CDH4: variants seen among roughly 807,000 people sequenced by gnomAD.
The protein encoded by CDH4 is cadherin-4.
Under a neutral mutation model 86.0 loss-of-function variants are expected in CDH4, and 33 were observed. That is an observed-to-expected ratio of 0.38 (90% CI 0.29 to 0.51). The LOEUF (loss-of-function observed/expected upper bound fraction) is 0.51, where lower values mean the gene tolerates loss of function less well. CDH4 is among the 20% of genes least tolerant of loss of function. The pLI is 0.86. For missense variants in CDH4, 1,114 were observed against 1,307.4 expected (o/e 0.85, Z 2.28); for synonymous variants, 555 against 549.4 (o/e 1.01, Z -0.14).
chr20:61,492,023 CGAT>C (rs1009055551), intron 2 of CDH4, among the ~76,000 whole-genome samples: 3 of 122,306 alleles, frequency 2.5e-5, no homozygotes, highest in African/African-American at 6.4e-5. Context: ...TCAATATTGT[CGAT>C]GGTGGTGTTG....
intron 2 of CDH4, among the ~76,000 whole-genome samples, chr20:61,276,018 TG>T: frequency 6.6e-6 from 1 of 152,184 alleles, no homozygotes. Context: ...TCAGTATCAC[TG>T]ACAGCGGGTT....
intron 2 of CDH4, among the ~76,000 whole-genome samples, chr20:61,353,075 A>C (rs991864881): frequency 3.9e-5 from 6 of 152,136 alleles, no homozygotes; most frequent in Non-Finnish European, 5.9e-5. Flanking sequence ...GACCCGCCAC[A>C]GGGGCTCTCG....
intron 2 of CDH4, among the ~76,000 whole-genome samples, chr20:61,519,907 G>A (rs76740103): frequency 0.02 from 3,094 of 152,224 alleles, 100 homozygotes; most frequent in African/African-American, 0.07. Context: ...TGACTGCCTC[G>A]CATTAGTGGT....
intron 2 of CDH4, among the ~76,000 whole-genome samples, chr20:61,631,560 G>A (rs557348933): frequency 9.9e-5 from 15 of 152,268 alleles, no homozygotes; most frequent in East Asian, 9.7e-4. Flanking sequence ...CAGGAGAATC[G>A]CTTAACCTCG....
rs140387865 is a variant in CDH4 at position 61,294,182 on chromosome 20, C to T, written c.169+39245C>T. ...CCACCCCCGCACTCCCTGATCCTGCCGGCATCATGGGCTGACCTGGAGGCT... is the reference window on the plus strand; with the variant it reads ...CCACCCCCGCACTCCCTGATCCTGCTGGCATCATGGGCTGACCTGGAGGCT... On this transcript the variant is annotated intron_variant, in intron 2 of 15. Transcript: ENST00000614565. Among the ~76,000 whole-genome samples the T allele has an allele frequency of 2.5e-3, 377 of 152,150 alleles. 3 individuals carry two copies. Among genetic ancestry groups the T allele is most frequent in the Middle Eastern group, 0.014 (4 of 292 alleles).
chr20:61,765,211 C>T (rs927389677), intron 3 of CDH4, among the ~76,000 whole-genome samples: 2 of 152,072 alleles, frequency 1.3e-5, no homozygotes, highest in Non-Finnish European at 1.5e-5. Context: ...CACTCCTGGC[C>T]GCTCAGGGCT....
rs1338644486 is a variant in CDH4 at position 61,754,734 on chromosome 20, GCA to G, written c.396+10951_396+10952del. Reference sequence around the variant, plus strand: ...ACACCGCACACACACTGCACGCCCCGCACACACTATGCACACCACACACACAG... The same window carrying G: ...ACACCGCACACACACTGCACGCCCCGCACACTATGCACACCACACACACAG... On this transcript the variant is annotated intron_variant, in intron 3 of 15. Coordinates refer to ENST00000614565, the MANE Select transcript of CDH4 (RefSeq NM_001794.5). The surrounding 1 kb of genome is among the most constrained non-coding windows in gnomAD (Gnocchi z 4.7). 1.6e-5 allele frequency among the ~76,000 whole-genome samples: 2 copies of G among 121,766 alleles called. No homozygotes were observed. The highest frequency in any genetic ancestry group is 6.4e-5 in the African/African-American group (2 of 31,074). 79.9% of individuals were successfully genotyped at this position (121,766 alleles called of 152,430 possible).
chr20:61,574,376 A>G (rs1240320676), intron 2 of CDH4, among the ~76,000 whole-genome samples: 1 of 152,226 alleles, frequency 6.6e-6, no homozygotes, highest in African/African-American at 2.4e-5. Context: ...GGACGTAGGC[A>G]TCTCACTGCA....
chr20:61,499,363 C>T (rs2085684244), intron 2 of CDH4: 4 of 956,508 alleles, frequency 4.2e-6, no homozygotes, highest in African/African-American at 1.7e-5. Flanking sequence ...GATAGCAGTG[C>T]CTCTTGCTCT....
rs77516797 is a variant in CDH4 at position 61,424,927 on chromosome 20, C to T, written c.169+169990C>T. On this transcript the variant is annotated intron_variant, in intron 2 of 15. Coordinates refer to ENST00000614565, the MANE Select transcript of CDH4 (RefSeq NM_001794.5). Reference sequence around the variant, plus strand: ...AGGCATAAGCCTGTGCCGCGTGGTCCATCCGGAGCCAAATTTAAAAAACTG... The same window carrying T: ...AGGCATAAGCCTGTGCCGCGTGGTCTATCCGGAGCCAAATTTAAAAAACTG... Among the ~76,000 whole-genome samples, 9 of 152,362 alleles carry T rather than the reference C, an allele frequency of 5.9e-5. No homozygotes were observed. In the East Asian group the frequency reaches 1.7e-3, roughly 29 times the overall value.
intron 2 of CDH4, among the ~76,000 whole-genome samples, chr20:61,693,890 T>C (rs1195187852): frequency 5.6e-4 from 78 of 138,446 alleles, no homozygotes; most frequent in African/African-American, 1.9e-3. Flanking sequence ...CTTTCTTTTT[T>C]TTTTTTTTTT....
At chr20:61,526,539 G>C (rs1472403419) in intron 2 of CDH4, among the ~76,000 whole-genome samples, 1 of 150,318 alleles carries the variant, frequency 6.7e-6, no homozygotes. Flanking sequence ...GGGTACATGT[G>C]CACAATGTGC....
chr20:61,530,627 A>G (rs557727396), intron 2 of CDH4, among the ~76,000 whole-genome samples: 2 of 152,230 alleles, frequency 1.3e-5, no homozygotes, highest in African/African-American at 2.4e-5. Context: ...AGGCCCTCGG[A>G]AAATAGAGAG....
intron 4 of CDH4, among the ~76,000 whole-genome samples, chr20:61,820,951 GT>G (rs879881960): frequency 8.5e-5 from 13 of 152,058 alleles, no homozygotes; most frequent in Non-Finnish European, 1.8e-4. Context: ...TTAAAATCCT[GT>G]TGTGTCCTGG....
At chr20:61,560,566 G>A (rs776040377) in intron 2 of CDH4, among the ~76,000 whole-genome samples, 1 of 152,174 alleles carries the variant, frequency 6.6e-6, no homozygotes, top group Non-Finnish European at 1.5e-5. Context: ...TCCCTAGCGG[G>A]TTACTTACCC....
intron 4 of CDH4, among the ~76,000 whole-genome samples, chr20:61,785,441 G>A (rs563937925): frequency 6.6e-6 from 1 of 152,342 alleles, no homozygotes; most frequent in African/African-American, 2.4e-5. Context: ...ATGGTGACCT[G>A]CTAGAGGCAG....
At chr20:61,344,958 G>A (rs1417877741) in intron 2 of CDH4, among the ~76,000 whole-genome samples, 2 of 152,232 alleles carry the variant, frequency 1.3e-5, no homozygotes, top group Non-Finnish European at 2.9e-5. Flanking sequence ...AGTCTAGGAT[G>A]CACCTGAGTG....
chr20:61,346,846 C>T (rs924656300), intron 2 of CDH4, among the ~76,000 whole-genome samples: 20 of 152,098 alleles, frequency 1.3e-4, no homozygotes, highest in Non-Finnish European at 7.4e-5. Context: ...TGAGAGGCGA[C>T]GGTGAGTGGG....
chr20:61,666,390 A>C (rs1434094665), intron 2 of CDH4, among the ~76,000 whole-genome samples: 1 of 152,234 alleles, frequency 6.6e-6, no homozygotes, highest in Admixed American at 6.5e-5. Context: ...GCGTCCCTGC[A>C]GCCCGAAGAA....
Sources: gnomAD v4.1 joint callset for allele counts (sites outside exome capture counted in the v4.1 genomes callset) on GRCh38, gnomAD v4.1.1 for gene constraint, Gnocchi (gnomAD v3.1) non-coding constraint, MANE v1.5 for transcripts, NCBI Gene and HGNC (gene_info 2026-07-23, HGNC 2026-07-21) for gene names.